The following PTCHD4 variants were observed in gnomAD, a reference collection of about 807,000 sequenced individuals.
PTCHD4 encodes the protein patched domain containing 4.
Under a neutral mutation model 58.1 loss-of-function variants are expected in PTCHD4, and 33 were observed. That is an observed-to-expected ratio of 0.57 (90% confidence interval 0.43 to 0.76). The LOEUF (loss-of-function observed/expected upper bound fraction) is 0.76. Among genes scored for constraint, PTCHD4 ranks in the 30% least tolerant of loss-of-function variants. PTCHD4 has a pLI of 0.00. For synonymous variants in PTCHD4, 478 were observed against 409.6 expected (o/e 1.17, Z -2.02); for missense variants, 1,058 against 1,027.1 (o/e 1.03, Z -0.41).
At chr6:47,928,103 T>C (rs555102397) in intron 4 of PTCHD4, among the ~76,000 whole-genome samples, 54 of 152,188 alleles carry the variant, frequency 3.5e-4, no homozygotes, top group Non-Finnish European at 6.9e-4. Flanking sequence ...GTGGAGGGAT[T>C]CCTTCATCCA....
At chr6:47,944,664 G>C (rs1408703295) in intron 4 of PTCHD4, among the ~76,000 whole-genome samples, 1 of 152,084 alleles carries the variant, frequency 6.6e-6, no homozygotes, top group Non-Finnish European at 1.5e-5. Flanking sequence ...AATGGGAATA[G>C]TCATCATGTT....
chr6:48,084,980 G>GCTAT (rs1338479303), intron 1 of PTCHD4, among the ~76,000 whole-genome samples: 31 of 151,602 alleles, frequency 2.0e-4, no homozygotes, highest in Non-Finnish European at 1.6e-4. Flanking sequence ...CTGAGCTCAG[G>GCTAT]CTATCCCCCT....
At chr6:47,963,304 A>T (rs977440930) in intron 4 of PTCHD4, among the ~76,000 whole-genome samples, 2 of 152,144 alleles carry the variant, frequency 1.3e-5, no homozygotes, top group African/African-American at 4.8e-5. Flanking sequence ...ATCTGTTAGG[A>T]TGCCTGCTAT....
intron 4 of PTCHD4, among the ~76,000 whole-genome samples, chr6:47,994,961 T>G (rs141135595): frequency 6.6e-6 from 1 of 152,280 alleles, no homozygotes; most frequent in East Asian, 1.9e-4. Flanking sequence ...AAAAATGTTC[T>G]AGGAAGTTTA....
At position 47,866,006 on chromosome 6, in the gene PTCHD4, G is replaced by A. The variant is rs1262258136; in HGVS notation, c.*12297C>T. Among the ~76,000 whole-genome samples, 1 of 151,250 alleles carries A rather than the reference G, an allele frequency of 6.6e-6. No individual in the cohort carries two copies. The highest frequency in any genetic ancestry group is 6.6e-5 in the Admixed American group (1 of 15,174). On this transcript the variant is annotated 3_prime_UTR_variant, in exon 5 of 5. Transcript: ENST00000339488. Reference sequence around the variant, plus strand: ...TTGCTCAGTCTGGTCCCGTCACATGGGGTGCTCAGGCCAATAATCTTACCT... The same window carrying A: ...TTGCTCAGTCTGGTCCCGTCACATGAGGTGCTCAGGCCAATAATCTTACCT...
intron 1 of PTCHD4, among the ~76,000 whole-genome samples, chr6:48,079,325 G>C (rs1269911924): frequency 6.6e-6 from 1 of 152,018 alleles, no homozygotes; most frequent in East Asian, 1.9e-4. Flanking sequence ...TCCCATCAGA[G>C]TTTGACAAAT....
At chr6:47,914,013 T>C (rs1765151701) in intron 4 of PTCHD4, among the ~76,000 whole-genome samples, 1 of 152,142 alleles carries the variant, frequency 6.6e-6, no homozygotes, top group Non-Finnish European at 1.5e-5. Context: ...TGATTTTTTT[T>C]CTCTCATGTT....
In PTCHD4 at chr6:48,031,920, C is replaced by T. The variant is rs187222972; in HGVS notation, c.418-22806G>A. ...ATAGTTTTCAGTCGGAATATGTTTT[C>T]GATGCCTAAAACACTGAATTCCCTC... On this transcript the variant is annotated intron_variant, in intron 3 of 4. Transcript: ENST00000339488. Among the ~76,000 whole-genome samples the T allele has an allele frequency of 8.5e-5, 13 of 152,126 alleles. No individual in the cohort carries two copies. In the East Asian group the frequency reaches 1.6e-3, roughly 18 times the overall value.
intron 4 of PTCHD4, among the ~76,000 whole-genome samples, chr6:47,963,203 T>G (rs866040270): frequency 6.6e-6 from 1 of 151,360 alleles, no homozygotes; most frequent in Non-Finnish European, 1.5e-5. Flanking sequence ...TAGACATTCC[T>G]AAAAGAATAA....
chr6:48,091,651 C>T (rs1490483591), intron 1 of PTCHD4, among the ~76,000 whole-genome samples: 1 of 124,010 alleles, frequency 8.1e-6, no homozygotes, highest in African/African-American at 3.0e-5. Context: ...TTCTTTCTCT[C>T]TTTCTTTCTT....
chr6:48,013,296 A>G (rs1213020700), intron 3 of PTCHD4, among the ~76,000 whole-genome samples: 4 of 151,916 alleles, frequency 2.6e-5, no homozygotes, highest in Non-Finnish European at 4.4e-5. Flanking sequence ...TTCTCCCTAC[A>G]TACTAAATGA....
chr6:48,110,800 T>C (rs1765856929), intron 1 of PTCHD4, among the ~76,000 whole-genome samples: 2 of 147,310 alleles, frequency 1.4e-5, no homozygotes, highest in African/African-American at 4.9e-5. Context: ...TAAATATATA[T>C]ATATATATAT....
intron 3 of PTCHD4, among the ~76,000 whole-genome samples, chr6:48,016,041 A>G (rs1762854702): frequency 6.7e-6 from 1 of 149,840 alleles, no homozygotes; most frequent in Non-Finnish European, 1.5e-5. Flanking sequence ...AGAAACAACA[A>G]CATCTCTTTC....
Position 47,876,149 on chromosome 6 carries a change from A to G in PTCHD4, c.*2154T>C, listed in dbSNP as rs1763842813. On this transcript the variant is annotated 3_prime_UTR_variant, in exon 5 of 5. Transcript: ENST00000339488. ...CTGAAACTTCTACTTCAGATATGAG[A>G]TCATGGTCTGGAGGCTACTCGTACC... Among the ~76,000 whole-genome samples, 1 of 151,820 alleles carries G rather than the reference A, an allele frequency of 6.6e-6. No homozygotes were observed. The highest frequency in any genetic ancestry group is 2.4e-5 in the African/African-American group (1 of 41,366).
intron 3 of PTCHD4, among the ~76,000 whole-genome samples, chr6:48,051,789 G>C (rs996691545): frequency 4.6e-5 from 7 of 152,046 alleles, no homozygotes; most frequent in Admixed American, 1.3e-4. Flanking sequence ...ATTACCAATT[G>C]AGATAAGCAG....
At chr6:48,044,660 TAC>T (rs2114157979) in intron 3 of PTCHD4, among the ~76,000 whole-genome samples, 1 of 152,012 alleles carries the variant, frequency 6.6e-6, no homozygotes, top group African/African-American at 2.4e-5. Flanking sequence ...TTATGCAGTT[TAC>T]TGACACTTGG....
rs1486102384 is a variant in PTCHD4, at chr6:47,872,587, A to T, written c.*5716T>A. ...GTTTCTTTCTGATTTTTAAGATTTT[A>T]TAATTACCATGACCTGTGAGACCTT... On this transcript the variant is annotated 3_prime_UTR_variant, in exon 5 of 5. Coordinates refer to ENST00000339488, the MANE Select transcript of PTCHD4 (RefSeq NM_001384253.1). Among the ~76,000 whole-genome samples, 1 of 151,686 alleles carries T rather than the reference A, an allele frequency of 6.6e-6. No homozygotes were observed.
intron 4 of PTCHD4, among the ~76,000 whole-genome samples, chr6:47,884,795 C>T (rs528618171): frequency 8.5e-5 from 13 of 152,240 alleles, no homozygotes; most frequent in South Asian, 6.2e-4. Flanking sequence ...CATGAAAATG[C>T]GGCTGATTCT....
At chr6:47,886,032 G>T (rs905756722) in intron 4 of PTCHD4, among the ~76,000 whole-genome samples, 5 of 151,834 alleles carry the variant, frequency 3.3e-5, no homozygotes, top group African/African-American at 1.2e-4. Flanking sequence ...TGGCCAGGCT[G>T]GTCTCAAACT....
Sources: gnomAD v4.1 joint callset for allele counts (sites outside exome capture counted in the v4.1 genomes callset) on GRCh38, gnomAD v4.1.1 for gene constraint, MANE v1.5 for transcripts, NCBI Gene and HGNC (gene_info 2026-07-23, HGNC 2026-07-21) for gene names.